The following TTC39B variants were observed in gnomAD, a reference collection of about 807,000 sequenced individuals.
TTC39B encodes the protein tetratricopeptide repeat protein 39B.
Under a neutral mutation model 96.6 loss-of-function variants are expected in TTC39B, and 92 were observed. The ratio of observed to expected loss-of-function variants is 0.95; its 90% confidence interval spans 0.80 to 1.13. The LOEUF (loss-of-function observed/expected upper bound fraction) is 1.13. Among genes scored for constraint, TTC39B ranks in the 50% most tolerant of loss-of-function variants. The pLI is 0.00. For synonymous variants in TTC39B, 367 were observed against 299.4 expected, an observed-to-expected ratio of 1.23 and a Z score of -2.33; for missense variants, 955 against 809.3, an observed-to-expected ratio of 1.18 and a Z score of -2.18.
exon 20 of TTC39B, chr9:15,163,655 C>T (rs1487744509): frequency 6.6e-6 from 1 of 152,122 alleles, no homozygotes; most frequent in East Asian, 1.9e-4. Flanking sequence ...AATAACAATT[C>T]AATTGCATGT....
At chr9:15,173,369 T>C (rs1020343635) in intron 19 of TTC39B, among the ~76,000 whole-genome samples, 3 of 152,124 alleles carry the variant, frequency 2.0e-5, no homozygotes, top group Non-Finnish European at 4.4e-5. Context: ...CCCATTACGA[T>C]GTTCTATTCA....
Position 15,180,804 on chromosome 9 carries a change from A to G in TTC39B, c.1723+1503T>C, listed in dbSNP as rs1818210187. The stretch of plus-strand genomic sequence containing the variant: ...AGAACAGGAGATAATCTTGCATAAA[A>G]GAAGTCCTAGAAGAGGTCATCATAA... On this transcript the variant is annotated intron_variant, in intron 17 of 19. Coordinates refer to ENST00000512701, the Ensembl canonical transcript of TTC39B. Among the ~76,000 whole-genome samples, 2 of 152,228 alleles carry G rather than the reference A, an allele frequency of 1.3e-5. 1 individual carries two copies. The highest frequency in any genetic ancestry group is 4.8e-5 in the African/African-American group (2 of 41,454).
At chr9:15,212,811 T>A (rs1425556396) in intron 4 of TTC39B, among the ~76,000 whole-genome samples, 1 of 152,150 alleles carries the variant, frequency 6.6e-6, no homozygotes, top group Non-Finnish European at 1.5e-5. Context: ...CAGCTGTGTG[T>A]CAGTGGCAGA....
chr9:15,201,393 G>C (rs1196986094), intron 7 of TTC39B, among the ~76,000 whole-genome samples: 1 of 152,156 alleles, frequency 6.6e-6, no homozygotes, highest in Non-Finnish European at 1.5e-5. Context: ...GTCAAGCACG[G>C]GGAGGGAGCC....
intron 1 of TTC39B, among the ~76,000 whole-genome samples, chr9:15,279,148 C>A (rs1263374462): frequency 6.6e-6 from 1 of 152,236 alleles, no homozygotes; most frequent in Non-Finnish European, 1.5e-5. Flanking sequence ...ATCATCTCTA[C>A]TGTTATTAAA....
At chr9:15,199,311 C>T (rs1273638146) in intron 8 of TTC39B, among the ~76,000 whole-genome samples, 1 of 152,116 alleles carries the variant, frequency 6.6e-6, no homozygotes, top group Non-Finnish European at 1.5e-5. Context: ...ATTATCTAAT[C>T]AGAAATTATG....
chr9:15,257,566 A>G (rs1414012121), intron 2 of TTC39B, among the ~76,000 whole-genome samples: 2 of 152,016 alleles, frequency 1.3e-5, no homozygotes, highest in Non-Finnish European at 2.9e-5. Flanking sequence ...CTCTCATCTC[A>G]GCCTCCCAAG....
At chr9:15,265,916 C>T (rs1036375540) in intron 2 of TTC39B, among the ~76,000 whole-genome samples, 2 of 152,014 alleles carry the variant, frequency 1.3e-5, no homozygotes, top group Middle Eastern at 3.2e-3. Context: ...TCAAGGTCAC[C>T]GAAAACGAGA....
chr9:15,202,110 G>A (rs1376701087), intron 7 of TTC39B, among the ~76,000 whole-genome samples: 1 of 152,156 alleles, frequency 6.6e-6, no homozygotes, highest in Non-Finnish European at 1.5e-5. Flanking sequence ...GTGACTGGGT[G>A]GGAGTCATGA....
intron 2 of TTC39B, among the ~76,000 whole-genome samples, chr9:15,256,251 G>A (rs547917289): frequency 2.0e-5 from 3 of 151,744 alleles, no homozygotes; most frequent in Non-Finnish European, 4.4e-5. Context: ...CACAAAGAAG[G>A]CACCATCTAT....
At chr9:15,288,198 G>A (rs533863187) in intron 1 of TTC39B, among the ~76,000 whole-genome samples, 2 of 152,012 alleles carry the variant, frequency 1.3e-5, no homozygotes, top group Non-Finnish European at 2.9e-5. Flanking sequence ...ATATGGACAG[G>A]AGACAGGGAA....
intron 7 of TTC39B, among the ~76,000 whole-genome samples, chr9:15,201,235 T>C (rs1487554704): frequency 6.6e-6 from 1 of 151,688 alleles, no homozygotes; most frequent in East Asian, 1.9e-4. Flanking sequence ...GAAAAGAATT[T>C]CTTAAATTAG....
intron 2 of TTC39B, among the ~76,000 whole-genome samples, chr9:15,231,453 T>A (rs1821417026): frequency 1.3e-5 from 2 of 152,272 alleles, no homozygotes; most frequent in South Asian, 4.1e-4. Context: ...TGACTAATAA[T>A]GTTGAGAATC....
chr9:15,251,993 C>T (rs1822578388), intron 2 of TTC39B, among the ~76,000 whole-genome samples: 1 of 151,814 alleles, frequency 6.6e-6, no homozygotes, highest in Admixed American at 6.6e-5. Context: ...GCTCTCAGTC[C>T]AGTTGGGGAG....
At chr9:15,266,498 T>C (rs1422480967) in intron 2 of TTC39B, among the ~76,000 whole-genome samples, 1 of 152,156 alleles carries the variant, frequency 6.6e-6, no homozygotes, top group Non-Finnish European at 1.5e-5. Flanking sequence ...AATACTAAAG[T>C]AGGTATCATT....
exon 20 of TTC39B, chr9:15,163,900 G>C (rs1225109807): frequency 1.3e-5 from 2 of 152,122 alleles, no homozygotes; most frequent in African/African-American, 2.4e-5. Context: ...TCATCATGTT[G>C]AAATTTTAGA....
chr9:15,302,345 GGTGGCTC>G (rs1221452869), intron 1 of TTC39B, among the ~76,000 whole-genome samples: 2 of 150,052 alleles, frequency 1.3e-5, no homozygotes, highest in African/African-American at 4.9e-5. Flanking sequence ...GGCCGGGCGC[GGTGGCTC>G]ACGCCTGTAA....
chr9:15,225,879 C>T (rs1235539012), intron 3 of TTC39B, 38 bp downstream of exon 3: 1 of 1,580,496 alleles, frequency 6.3e-7, no homozygotes, highest in African/African-American at 1.3e-5. Context: ...GGACTGTCCT[C>T]CCCTCTTCCC....
rs1233813448 is a variant in TTC39B, at chr9:15,199,941, T to C, written c.760-16A>G. On this transcript the variant is annotated splice_polypyrimidine_tract_variant and intron_variant, in intron 7 of 19. Transcript: ENST00000512701. ...TATTTTCATCCTGAAAATAATTCAG[T>C]TAAAAAATTAGATTATTTAGCAAAA... The C allele has an allele frequency of 4.0e-6, 6 of 1,487,554 alleles. No homozygotes were observed. Among genetic ancestry groups the C allele is most frequent in the Non-Finnish European group, 4.6e-6 (5 of 1,081,574 alleles). 92.1% of individuals were successfully genotyped at this position (1,487,554 alleles called of 1,614,324 possible).
Sources: allele counts gnomAD v4.1 joint callset (sites outside exome capture counted in the v4.1 genomes callset), GRCh38; gene constraint gnomAD v4.1.1; transcripts MANE v1.5; gene names NCBI Gene and HGNC (gene_info 2026-07-23, HGNC 2026-07-21).